ATG16L2: variants seen among roughly 807,000 people sequenced by gnomAD.
The protein encoded by ATG16L2 is autophagy related 16 like 2.
A neutral mutation model predicts 84.7 loss-of-function variants in ATG16L2; 77 were observed. The observed-to-expected ratio is 0.91, with a 90% CI of 0.76 to 1.10. ATG16L2 has a LOEUF of 1.10. Among genes scored for constraint, ATG16L2 ranks in the 50% least tolerant of loss-of-function variants. The pLI is 0.00. For synonymous variants in ATG16L2, 361 were observed against 342.8 expected (o/e 1.05, Z -0.59); for missense variants, 782 against 817.6 (o/e 0.96, Z 0.53).
chr11:72,817,817 C>CAGG lies in ATG16L2; in HGVS notation c.293_295dup (p.Glu98dup). 6.2e-7 allele frequency: 1 copy of CAGG among 1,612,808 alleles called. No individual in the cohort carries two copies. On this transcript the variant is annotated inframe_insertion, in exon 3 of 18. Coordinates refer to ENST00000321297, the MANE Select transcript of ATG16L2 (RefSeq NM_033388.2). ...ACTGGTCGCACTGAGGGTGAAGTGG[C>CAGG]AGGAGGAGGAGGAGGGGCTCCGGCT...
At position 72,822,472 on chromosome 11, in the gene ATG16L2, A is replaced by C; in HGVS notation, c.645-6A>C. The C allele has an allele frequency of 1.9e-6, 3 of 1,612,898 alleles. No individual in the cohort carries two copies. Among genetic ancestry groups the C allele is most frequent in the Non-Finnish European group, 2.5e-6 (3 of 1,179,454 alleles). On this transcript the variant is annotated splice_region_variant and splice_polypyrimidine_tract_variant and intron_variant, in intron 5 of 17. Coordinates refer to ENST00000321297, the MANE Select transcript of ATG16L2 (RefSeq NM_033388.2). The surrounding 1 kb of genome is among the most constrained non-coding windows in gnomAD (Gnocchi z 4.2). ...CAGGGTCTCAGGATGCTTTTTACCC[A>C]ACAAGGGCCAAGCAGGCGCGGGTGT...
chr11:72,823,002 C>A, intron 7 of ATG16L2, 41 bp downstream of exon 7: 1 of 1,433,756 alleles, frequency 7.0e-7, no homozygotes, highest in Non-Finnish European at 9.5e-7. Context: ...TGAGCTGAGC[C>A]CCACCCCAGA....
chr11:72,824,217 G>A, intron 8 of ATG16L2, 95 bp downstream of exon 8: 1 of 1,458,826 alleles, frequency 6.9e-7, no homozygotes, highest in Non-Finnish European at 9.6e-7. Flanking sequence ...GTCCATCCCT[G>A]TGATGTGCAG....
At chr11:72,843,482 C>T (rs1355430291) in exon 6 of ATG16L2, 1 of 1,613,816 alleles carries the variant, frequency 6.2e-7, no homozygotes, top group Admixed American at 1.7e-5. Flanking sequence ...CATCTTCAAT[C>T]ACTTCTAACA....
intron 3 of ATG16L2, 48 bp from the exon 4 acceptor site, chr11:72,821,620 A>T: frequency 6.6e-7 from 1 of 1,513,438 alleles, no homozygotes; most frequent in Non-Finnish European, 8.8e-7. Context: ...GAGGGACTGG[A>T]GGCCTGGAGG....
chr11:72,814,558 C>A lies in ATG16L2; in HGVS notation c.113C>A (p.Pro38Gln). Residue 38 changes from proline to glutamine, a missense_variant, in exon 1 of 18, where the codon CCG (proline) becomes CAG (glutamine). Transcript: ENST00000321297. ...TQKALFLELV[P>Q]AYNHLLEKAE... ...AAGGCGCTTTTCCTGGAGCTGGTGCCGGCCTGTGAGTGCGCCCCGGTGCTG... is the reference window on the plus strand; with the variant it reads ...AAGGCGCTTTTCCTGGAGCTGGTGCAGGCCTGTGAGTGCGCCCCGGTGCTG... 1.3e-6 allele frequency: 2 copies of A among 1,571,304 alleles called. No individual in the cohort carries two copies. The highest frequency in any genetic ancestry group is 2.4e-5 in the East Asian group (1 of 41,894).
rs755416638 is a variant in ATG16L2, at chr11:72,829,432, C to G, written c.*42C>G. ...CCTGGGCTGGAGCTCTTGCCCGAAG[C>G]CTGAAGCTTCCTTCGGCGCCATGCA... On this transcript the variant is annotated 3_prime_UTR_variant, in exon 18 of 18. Transcript: ENST00000321297. The G allele has an allele frequency of 1.2e-5, 19 of 1,592,192 alleles. No individual in the cohort carries two copies. The South Asian group carries it at 1.6e-4, about 13-fold the overall frequency.
downstream of ATG16L2, among the ~76,000 whole-genome samples, chr11:72,834,495 C>A (rs1184633665): frequency 2.0e-5 from 3 of 152,096 alleles, no homozygotes; most frequent in Non-Finnish European, 2.9e-5. Flanking sequence ...AATATTGTGA[C>A]CTTTTTTGTG....
exon 6 of ATG16L2, chr11:72,842,687 T>C (rs761869339): frequency 3.1e-6 from 5 of 1,613,910 alleles, no homozygotes; most frequent in African/African-American, 1.3e-5. Context: ...CTAGCACCGA[T>C]GGGAAAACTC....
In ATG16L2 at chr11:72,822,619, C is replaced by G. The variant is rs1860079155; in HGVS notation, c.710+76C>G. ...GCCTGCCTGCGGCGACCCAGGCTGC[C>G]GACTGTACTTGTGCACAGCCCCGTC... On this transcript the variant is annotated intron_variant, in intron 6 of 17. Transcript: ENST00000321297. The surrounding 1 kb of genome is among the most constrained non-coding windows in gnomAD (Gnocchi z 4.2). 6.4e-7 allele frequency: 1 copy of G among 1,562,484 alleles called. No homozygotes were observed. The highest frequency in any genetic ancestry group is 8.7e-7 in the Non-Finnish European group (1 of 1,150,940).
chr11:72,825,982 C>A (rs1860322040), intron 10 of ATG16L2, among the ~76,000 whole-genome samples, 191 bp from the exon 11 acceptor site: 1 of 152,124 alleles, frequency 6.6e-6, no homozygotes, highest in Non-Finnish European at 1.5e-5. Context: ...GTCCCTGGGA[C>A]CCAGTGCCAG....
chr11:72,827,899 G>C (rs10898882), intron 14 of ATG16L2, among the ~76,000 whole-genome samples: 151,818 of 152,352 alleles, frequency 1, 75,644 homozygotes, highest in Middle Eastern at 1. Flanking sequence ...CGCCACTGCC[G>C]TCCAGCCTGG....
downstream of ATG16L2, among the ~76,000 whole-genome samples, chr11:72,834,593 T>G (rs1159057185): frequency 6.6e-6 from 1 of 151,980 alleles, no homozygotes; most frequent in Admixed American, 6.6e-5. Context: ...TCCTTTTTTT[T>G]TTTTTTGGAG....
At chr11:72,821,615 ACTGGAGGC>A in intron 3 of ATG16L2, 45 bp from the exon 4 acceptor site, 2 of 1,513,786 alleles carry the variant, frequency 1.3e-6, no homozygotes, top group South Asian at 2.4e-5. Context: ...CCCCGGAGGG[ACTGGAGGC>A]CTGGAGGGGC....
At position 72,822,349 on chromosome 11, in the gene ATG16L2, G is replaced by A; in HGVS notation, c.644+54G>A. 2 of 1,546,752 alleles carry A rather than the reference G, an allele frequency of 1.3e-6. No homozygotes were observed. The highest frequency in any genetic ancestry group is 2.4e-5 in the South Asian group (2 of 84,788). ...GGAAAGGCCCCGCCCCTGCAGGGAG[G>A]AGTCGGGCCTCGCCGGTGTCTGGAA... On this transcript the variant is annotated intron_variant, in intron 5 of 17. Transcript: ENST00000321297. The surrounding 1 kb of genome is among the most constrained non-coding windows in gnomAD (Gnocchi z 4.2).
chr11:72,825,809 A>C (rs1008834800), intron 10 of ATG16L2, among the ~76,000 whole-genome samples: 1 of 152,094 alleles, frequency 6.6e-6, no homozygotes, highest in Non-Finnish European at 1.5e-5. Context: ...CCTTGTCCCA[A>C]GCTCTGTGCT....
chr11:72,841,572 G>C, intron 5 of ATG16L2: 1 of 1,605,670 alleles, frequency 6.2e-7, no homozygotes, highest in African/African-American at 1.3e-5. Flanking sequence ...GTGGCTTGGG[G>C]GAAGGAGAGA....
At chr11:72,840,135 C>T (rs937068811) in intron 5 of ATG16L2, among the ~76,000 whole-genome samples, 9 of 152,308 alleles carry the variant, frequency 5.9e-5, no homozygotes, top group African/African-American at 1.2e-4. Context: ...TCCATCCATC[C>T]GCCTCTTAGC....
intron 5 of ATG16L2, chr11:72,838,136 AAATG>A (rs1860789711): frequency 6.6e-6 from 1 of 152,312 alleles, no homozygotes; most frequent in Non-Finnish European, 1.5e-5. Flanking sequence ...TGCTAATTCT[AAATG>A]AATGGCACAG....
Sources: gnomAD v4.1 joint callset for allele counts (sites outside exome capture counted in the v4.1 genomes callset) on GRCh38, gnomAD v4.1.1 for gene constraint, Gnocchi (gnomAD v3.1) non-coding constraint, MANE v1.5 for transcripts, NCBI Gene and HGNC (gene_info 2026-07-23, HGNC 2026-07-21) for gene names.